The following SOX6 variants were observed in gnomAD, a reference collection of about 807,000 sequenced individuals.
The protein encoded by SOX6 is SRY-box transcription factor 6, also known as transcription factor SOX-6.
SOX6 carries 11 observed loss-of-function variants against 97.8 expected under a neutral mutation model. The observed-to-expected ratio is 0.11, with a 90% CI of 0.07 to 0.19. SOX6 has a LOEUF of 0.19. Ranked by LOEUF, SOX6 falls within the 10% of genes least tolerant of loss-of-function variation. SOX6 has a pLI of 1.00. For missense variants in SOX6, 810 were observed against 1,039.5 expected (o/e 0.78, Z 3.04); for synonymous variants, 360 against 371.4 (o/e 0.97, Z 0.35).
chr11:16,713,383 A>G (rs1848195452), intron 3 of SOX6, among the ~76,000 whole-genome samples: 1 of 152,206 alleles, frequency 6.6e-6, no homozygotes, highest in Non-Finnish European at 1.5e-5. Flanking sequence ...TTTACATTAC[A>G]TAAATAATTT....
chr11:16,420,076 T>C (rs4757397), intron 1 of SOX6, among the ~76,000 whole-genome samples: 28,236 of 152,202 alleles, frequency 0.19, 2,998 homozygotes, highest in Admixed American at 0.31. Flanking sequence ...TAATTGATAA[T>C]TGTCACAAAT....
chr11:16,456,893 G>T (rs950655400), intron 1 of SOX6, among the ~76,000 whole-genome samples: 2 of 152,112 alleles, frequency 1.3e-5, no homozygotes, highest in Non-Finnish European at 2.9e-5. Context: ...GTGGGTAAGT[G>T]CACATTAAAA....
intron 2 of SOX6, among the ~76,000 whole-genome samples, chr11:16,728,094 G>C (rs536443103): frequency 6.6e-6 from 1 of 152,158 alleles, no homozygotes; most frequent in African/African-American, 2.4e-5. Context: ...CCAGTGAGGG[G>C]CTTATAGATA....
chr11:16,513,950 C>A (rs1320109587), intron 4 of SOX6, among the ~76,000 whole-genome samples: 1 of 151,988 alleles, frequency 6.6e-6, no homozygotes, highest in Admixed American at 6.6e-5. Flanking sequence ...TGGGATTACA[C>A]CTGTAATCCC....
At chr11:16,206,369 T>G (rs577202918) in intron 4 of SOX6, among the ~76,000 whole-genome samples, 19 of 152,296 alleles carry the variant, frequency 1.2e-4, no homozygotes, top group African/African-American at 4.3e-4. Context: ...TGAGGAAATA[T>G]AACTTTTAAT....
chr11:16,702,773 A>C (rs992559279), intron 3 of SOX6, among the ~76,000 whole-genome samples: 1 of 152,132 alleles, frequency 6.6e-6, no homozygotes, highest in African/African-American at 2.4e-5. Flanking sequence ...TTGATGTCCC[A>C]GGCACCTTCA....
At chr11:15,973,156 T>G in intron 15 of SOX6, 44 bp from the exon 16 acceptor site, 10 of 1,587,962 alleles carry the variant, frequency 6.3e-6, no homozygotes, top group Non-Finnish European at 8.6e-6. Flanking sequence ...GAGAAATATC[T>G]ATATATGTGC....
intron 3 of SOX6, among the ~76,000 whole-genome samples, chr11:16,271,898 T>C (rs1854271917): frequency 6.6e-6 from 1 of 151,034 alleles, no homozygotes; most frequent in African/African-American, 2.4e-5. Flanking sequence ...GGTTCATTGG[T>C]GAGTCTTTTT....
chr11:16,300,679 C>T lies in SOX6; in HGVS notation c.445+17767G>A, dbSNP rs923940066. On this transcript the variant is annotated intron_variant, in intron 3 of 15. Coordinates refer to ENST00000683767, the MANE Select transcript of SOX6 (RefSeq NM_001367873.1). The surrounding 1 kb of genome is among the most constrained non-coding windows in gnomAD (Gnocchi z 4.1). ...GGAATGGCAGAGCAAGTGGGGCTAA[C>T]GAAAACTGAAGTTCATCACCAGAGA... is the stretch of plus-strand genomic sequence containing the variant. 3.9e-5 allele frequency among the ~76,000 whole-genome samples: 6 copies of T among 152,140 alleles called. No individual in the cohort carries two copies. Among genetic ancestry groups the T allele is most frequent in the Non-Finnish European group, 8.8e-5 (6 of 68,018 alleles).
chr11:16,366,802 T>C (rs887422794), intron 1 of SOX6, among the ~76,000 whole-genome samples: 1 of 152,168 alleles, frequency 6.6e-6, no homozygotes, highest in Admixed American at 6.6e-5. Flanking sequence ...TAACAGATAC[T>C]GTCAGGTGAT....
intron 3 of SOX6, among the ~76,000 whole-genome samples, chr11:16,249,605 T>A (rs1267057181): frequency 1.3e-5 from 2 of 152,226 alleles, no homozygotes; most frequent in Non-Finnish European, 2.9e-5. Flanking sequence ...TTTGGGTATC[T>A]TTGTAGCAGC....
At chr11:16,439,170 A>G (rs111772107) in intron 1 of SOX6, among the ~76,000 whole-genome samples, 65 of 152,310 alleles carry the variant, frequency 4.3e-4, no homozygotes, top group Non-Finnish European at 5.0e-4. Context: ...TATTAATGCT[A>G]TTTATCAGAA....
chr11:16,017,772 T>A (rs1311425686), intron 12 of SOX6, among the ~76,000 whole-genome samples: 1 of 152,034 alleles, frequency 6.6e-6, no homozygotes, highest in Admixed American at 6.6e-5. Context: ...ATGGAACAAA[T>A]ATAGACTGTG....
chr11:16,687,755 C>T (rs1471739918), intron 3 of SOX6, among the ~76,000 whole-genome samples: 1 of 152,136 alleles, frequency 6.6e-6, no homozygotes, highest in Non-Finnish European at 1.5e-5. Flanking sequence ...TGGTCTCAAA[C>T]TCCTGTCCTC....
At chr11:16,448,558 C>A (rs1859655647) in intron 1 of SOX6, among the ~76,000 whole-genome samples, 1 of 152,242 alleles carries the variant, frequency 6.6e-6, no homozygotes, top group African/African-American at 2.4e-5. Flanking sequence ...TTTTCCATCA[C>A]CTACTTACAC....
At chr11:16,714,855 A>C (rs1848208825) in exon 3 of SOX6, 2 of 152,160 alleles carry the variant, frequency 1.3e-5, no homozygotes, top group Admixed American at 1.3e-4. Context: ...ACTTCTGTAG[A>C]TTTCAAGGCT....
chr11:16,147,331 A>G (rs983298034), intron 6 of SOX6, among the ~76,000 whole-genome samples: 1 of 152,088 alleles, frequency 6.6e-6, no homozygotes, highest in African/African-American at 2.4e-5. Context: ...GAAGGGGAAC[A>G]TCACACACTG....
chr11:15,972,597 A>AAACAAC lies in SOX6; in HGVS notation c.*206_*211dup. The AAACAAC allele has an allele frequency of 1.7e-6, 1 of 598,478 alleles. No individual in the cohort carries two copies. Among genetic ancestry groups the AAACAAC allele is most frequent in the Non-Finnish European group, 2.9e-6 (1 of 342,326 alleles). The allele number at this position is 598,478 out of a possible 1,614,324, so 37.1% of individuals were successfully genotyped here. A position where few individuals can be genotyped will look rare whatever the true frequency, so the allele number is the denominator to read the frequency against. ...TAATATGTCTTCACCTAAATTAAAA[A>AAACAAC]AACAACAACAACAACAATAACAATA... On this transcript the variant is annotated 3_prime_UTR_variant, in exon 16 of 16. Transcript: ENST00000683767.
At chr11:16,367,181 T>C (rs1005867997) in intron 1 of SOX6, among the ~76,000 whole-genome samples, 1 of 152,168 alleles carries the variant, frequency 6.6e-6, no homozygotes, top group African/African-American at 2.4e-5. Flanking sequence ...TATGTTCTAA[T>C]TTTGGTTTTG....
Sources: gnomAD v4.1 joint callset for allele counts (sites outside exome capture counted in the v4.1 genomes callset) on GRCh38, gnomAD v4.1.1 for gene constraint, Gnocchi (gnomAD v3.1) non-coding constraint, MANE v1.5 for transcripts, NCBI Gene and HGNC (gene_info 2026-07-23, HGNC 2026-07-21) for gene names.